The following NALCN variants were observed in gnomAD, a reference collection of about 807,000 sequenced individuals.
NALCN encodes the protein sodium leak channel NALCN.
Under a neutral mutation model 225.3 loss-of-function variants are expected in NALCN, and 111 were observed. That is an observed-to-expected ratio of 0.49 (90% confidence interval 0.42 to 0.58). NALCN has a LOEUF of 0.58. NALCN is among the 20% of genes least tolerant of loss of function. The pLI is 0.00. For synonymous variants in NALCN, 764 were observed against 769.0 expected (o/e 0.99, Z 0.11); for missense variants, 1,378 against 2,202.4 (o/e 0.63, Z 7.49).
intron 2 of NALCN, among the ~76,000 whole-genome samples, chr13:101,395,931 C>T (rs1392429475): frequency 1.3e-5 from 2 of 151,882 alleles, no homozygotes; most frequent in Non-Finnish European, 2.9e-5. Flanking sequence ...TTAGAATTTC[C>T]TTTCTATTTG....
chr13:101,088,581 G>A (rs1267628624), intron 30 of NALCN, among the ~76,000 whole-genome samples: 1 of 152,192 alleles, frequency 6.6e-6, no homozygotes, highest in African/African-American at 2.4e-5. Flanking sequence ...GTGCATTTGA[G>A]AGTTGTGAGA....
chr13:101,255,459 A>G (rs1183569021), intron 11 of NALCN, among the ~76,000 whole-genome samples: 1 of 152,184 alleles, frequency 6.6e-6, no homozygotes, highest in Admixed American at 6.5e-5. Flanking sequence ...ACCCTGTGCT[A>G]GATCACAAAA....
Position 101,104,822 on chromosome 13 carries a change from T to C in NALCN, c.2636+72A>G. The C allele has an allele frequency of 6.4e-7, 1 of 1,567,576 alleles. No homozygotes were observed. The highest frequency in any genetic ancestry group is 8.8e-7 in the Non-Finnish European group (1 of 1,142,150). On this transcript the variant is annotated intron_variant, in intron 23 of 43. Coordinates refer to ENST00000251127, the MANE Select transcript of NALCN (RefSeq NM_052867.4). The surrounding 1 kb of genome is among the most constrained non-coding windows in gnomAD (Gnocchi z 4.2). ...GCAAGAAAATAAAAGAGAATTTTAA[T>C]CGTTGTATGCAGCATAAAATAGTAC...
intron 13 of NALCN, among the ~76,000 whole-genome samples, chr13:101,215,568 T>C (rs986726106): frequency 6.6e-6 from 1 of 151,990 alleles, no homozygotes; most frequent in African/African-American, 2.4e-5. Flanking sequence ...CTAACTTCAT[T>C]TGGGTTATTA....
chr13:101,346,087 C>CTCTCTCTCTCTCTCTATATATA lies in NALCN; in HGVS notation c.645-668_645-667insTATATATAGAGAGAGAGAGAGA. 2.5e-3 allele frequency among the ~76,000 whole-genome samples: 176 copies of CTCTCTCTCTCTCTCTATATATA among 70,914 alleles called. 1 individual carries two copies. Among genetic ancestry groups the CTCTCTCTCTCTCTCTATATATA allele is most frequent in the Non-Finnish European group, 3.2e-3 (119 of 37,526 alleles). 46.5% of individuals were successfully genotyped at this position (70,914 alleles called of 152,430 possible). A position where few individuals can be genotyped will look rare whatever the true frequency, so the allele number is the denominator to read the frequency against. Reference sequence around the variant, plus strand: ...TCTCTCTCTCTCTCTCTCTCTCTCTCTATATATATATATATATATATATAT... The same window carrying CTCTCTCTCTCTCTCTATATATA: ...TCTCTCTCTCTCTCTCTCTCTCTCTCTCTCTCTCTCTCTCTATATATATATATATATATATATATATATATAT... On this transcript the variant is annotated intron_variant, in intron 6 of 43. Coordinates refer to ENST00000251127, the MANE Select transcript of NALCN (RefSeq NM_052867.4).
At chr13:101,240,520 C>A (rs1307328901) in intron 11 of NALCN, among the ~76,000 whole-genome samples, 1 of 151,860 alleles carries the variant, frequency 6.6e-6, no homozygotes, top group Admixed American at 6.6e-5. Context: ...TAGAAATGTG[C>A]ACAATTTCAT....
At chr13:101,165,183 T>C (rs2038378987) in intron 15 of NALCN, among the ~76,000 whole-genome samples, 1 of 152,130 alleles carries the variant, frequency 6.6e-6, no homozygotes, top group African/African-American at 2.4e-5. Context: ...CTGTAGCAAA[T>C]GGTGTTAACA....
intron 15 of NALCN, among the ~76,000 whole-genome samples, chr13:101,165,596 C>T (rs556366838): frequency 1.3e-5 from 2 of 152,272 alleles, no homozygotes; most frequent in South Asian, 2.1e-4. Flanking sequence ...TGGCCACCTA[C>T]GTAGCTGTGA....
At chr13:101,208,570 G>T (rs555327381) in intron 13 of NALCN, among the ~76,000 whole-genome samples, 1 of 152,196 alleles carries the variant, frequency 6.6e-6, no homozygotes, top group Admixed American at 6.5e-5. Flanking sequence ...ATGGTGATAT[G>T]GTTTGCATGT....
rs1439148515 is a variant in NALCN, at chr13:101,089,101, T to C, written c.3489+562A>G. 1.3e-5 allele frequency among the ~76,000 whole-genome samples: 2 copies of C among 152,112 alleles called. No homozygotes were observed. The highest frequency in any genetic ancestry group is 2.9e-5 in the Non-Finnish European group (2 of 68,018). On this transcript the variant is annotated intron_variant, in intron 30 of 43. Coordinates refer to ENST00000251127, the MANE Select transcript of NALCN (RefSeq NM_052867.4). This position sits in a 1 kb window ranked among gnomAD's most constrained non-coding sequence, Gnocchi z 4.7. ...TTAGTAGAGACAGGGTTTCACTATGTTGGCCAGGCTGGTCTTGAACTCCTG... is the reference window on the plus strand; with the variant it reads ...TTAGTAGAGACAGGGTTTCACTATGCTGGCCAGGCTGGTCTTGAACTCCTG...
chr13:101,384,629 A>G (rs901213611), intron 3 of NALCN, among the ~76,000 whole-genome samples: 5 of 152,194 alleles, frequency 3.3e-5, no homozygotes, highest in African/African-American at 1.2e-4. Context: ...TTTTACTTGT[A>G]TCTATTGCCA....
intron 10 of NALCN, among the ~76,000 whole-genome samples, chr13:101,266,731 G>A (rs997166346): frequency 1.3e-5 from 2 of 152,166 alleles, no homozygotes; most frequent in Non-Finnish European, 1.5e-5. Context: ...TCTTGCATAT[G>A]AGCCATGAAC....
At chr13:101,266,592 C>T (rs1335867506) in intron 10 of NALCN, among the ~76,000 whole-genome samples, 1 of 152,160 alleles carries the variant, frequency 6.6e-6, no homozygotes, top group East Asian at 1.9e-4. Context: ...AACAACTCAA[C>T]TTAGTAAAAC....
chr13:101,082,935 A>G (rs751383772), intron 32 of NALCN, 52 bp from the exon 33 acceptor site: 1 of 1,605,868 alleles, frequency 6.2e-7, no homozygotes, highest in African/African-American at 1.3e-5. Context: ...GGACACATAC[A>G]GGCTTGCCCC....
At chr13:101,357,757 G>T (rs542678549) in intron 6 of NALCN, among the ~76,000 whole-genome samples, 2 of 152,210 alleles carry the variant, frequency 1.3e-5, no homozygotes, top group African/African-American at 4.8e-5. Context: ...AACAAAGCTG[G>T]AGGCATCATG....
In NALCN at chr13:101,322,841, T is replaced by C. The variant is rs376849249; in HGVS notation, c.799+22425A>G. On this transcript the variant is annotated intron_variant, in intron 7 of 43. Coordinates refer to ENST00000251127, the MANE Select transcript of NALCN (RefSeq NM_052867.4). ...AATTCTCCTACCTCAGCCTCCCAAG[T>C]AGCTGGAATTACAGGTGCCCACCAC... Among the ~76,000 whole-genome samples the C allele has an allele frequency of 5.9e-5, 9 of 152,154 alleles. 1 individual carries two copies. The highest frequency in any genetic ancestry group is 3.3e-4 in the Admixed American group (5 of 15,278).
intron 18 of NALCN, among the ~76,000 whole-genome samples, chr13:101,119,659 T>C (rs569986568): frequency 6.6e-6 from 1 of 152,356 alleles, no homozygotes; most frequent in South Asian, 2.1e-4. Context: ...CTTTTGAAAG[T>C]ACATTGCTAT....
chr13:101,259,556 G>C (rs1359847412), intron 10 of NALCN, among the ~76,000 whole-genome samples: 1 of 151,118 alleles, frequency 6.6e-6, no homozygotes. Context: ...GGATGGTCTC[G>C]ATCTTCTGAC....
intron 15 of NALCN, among the ~76,000 whole-genome samples, chr13:101,161,139 T>C (rs589043): frequency 0.17 from 26,272 of 152,184 alleles, 3,134 homozygotes; most frequent in African/African-American, 0.33. Flanking sequence ...GTCATTTTTG[T>C]CTGTTCTGTT....
Sources: allele counts gnomAD v4.1 joint callset (sites outside exome capture counted in the v4.1 genomes callset), GRCh38; gene constraint gnomAD v4.1.1; non-coding constraint Gnocchi (gnomAD v3.1); transcripts MANE v1.5; gene names NCBI Gene and HGNC (gene_info 2026-07-23, HGNC 2026-07-21).